The following UBXN7 variants were observed in gnomAD, a reference collection of about 807,000 sequenced individuals.
UBXN7 encodes UBX domain-containing protein 7.
In UBXN7, 9 loss-of-function variants were observed where a neutral mutation model predicts 58.0. That is an observed-to-expected ratio of 0.16 (90% CI 0.09 to 0.27). The LOEUF (loss-of-function observed/expected upper bound fraction) is 0.27, where lower values mean the gene tolerates loss of function less well. Among genes scored for constraint, UBXN7 ranks in the 10% least tolerant of loss-of-function variants. The pLI, the probability that UBXN7 is intolerant of heterozygous loss-of-function variation, is 1.00. For synonymous variants in UBXN7, 208 were observed against 205.0 expected, an observed-to-expected ratio of 1.01 and a Z score of -0.12; for missense variants, 328 against 599.6, an observed-to-expected ratio of 0.55 and a Z score of 4.73.
intron 5 of UBXN7, among the ~76,000 whole-genome samples, chr3:196,382,228 G>C (rs554160086): frequency 6.6e-6 from 1 of 152,244 alleles, no homozygotes; most frequent in African/African-American, 2.4e-5. Context: ...AAGTGTTAAG[G>C]GCAGCCAGAG....
Position 196,356,861 on chromosome 3 carries a change from G to A in UBXN7, c.1309-15C>T. 6.3e-7 allele frequency: 1 copy of A among 1,595,884 alleles called. No individual in the cohort carries two copies. Among genetic ancestry groups the A allele is most frequent in the Non-Finnish European group, 8.5e-7 (1 of 1,176,062 alleles). ...TTCACCAAAGCCTATAAAAACAAGA[G>A]AAAGACAAAGCCATTAGACGGAAAA... is the stretch of plus-strand genomic sequence containing the variant. On this transcript the variant is annotated splice_polypyrimidine_tract_variant and intron_variant, in intron 10 of 10. Transcript: ENST00000296328.
At chr3:196,404,541 C>A (rs1283260071) in intron 2 of UBXN7, among the ~76,000 whole-genome samples, 1 of 137,336 alleles carries the variant, frequency 7.3e-6, no homozygotes, top group East Asian at 1.9e-4. Context: ...GGATTACAGG[C>A]GTGAGCCACC....
chr3:196,405,093 T>C (rs1439849307), intron 2 of UBXN7, among the ~76,000 whole-genome samples: 1 of 151,522 alleles, frequency 6.6e-6, no homozygotes, highest in Non-Finnish European at 1.5e-5. Flanking sequence ...TTGCAGTGAG[T>C]TGAGAGCAGT....
intron 1 of UBXN7, among the ~76,000 whole-genome samples, chr3:196,421,421 TGA>T (rs933455148): frequency 6.6e-6 from 1 of 152,192 alleles, no homozygotes; most frequent in African/African-American, 2.4e-5. Flanking sequence ...TACAGCAATT[TGA>T]GAGAGTAATT....
chr3:196,430,705 C>T (rs1560249039), intron 1 of UBXN7, among the ~76,000 whole-genome samples: 1 of 152,094 alleles, frequency 6.6e-6, no homozygotes, highest in Admixed American at 6.6e-5. Context: ...GCATCATAAA[C>T]CATCTCTAGG....
intron 8 of UBXN7, among the ~76,000 whole-genome samples, chr3:196,364,910 A>T (rs1033891435): frequency 7.2e-5 from 11 of 152,104 alleles, no homozygotes; most frequent in Non-Finnish European, 1.6e-4. Flanking sequence ...ACCCCTAAAA[A>T]GCAAGTAGAG....
chr3:196,372,184 A>G (rs1207378650), intron 5 of UBXN7, 142 bp from the exon 6 acceptor site: 3 of 858,462 alleles, frequency 3.5e-6, no homozygotes, highest in African/African-American at 3.4e-5. Flanking sequence ...CAGCATTTAT[A>G]CATTCTATAT....
intron 1 of UBXN7, among the ~76,000 whole-genome samples, chr3:196,419,292 T>TAAA (rs1560243454): frequency 4.0e-5 from 6 of 148,862 alleles, no homozygotes; most frequent in Non-Finnish European, 8.9e-5. Flanking sequence ...TCTAAATAAA[T>TAAA]TAAATAAATA....
chr3:196,391,978 G>GAAAAAAAAAA (rs11335716), intron 4 of UBXN7, 53 bp from the exon 5 acceptor site: 6 of 188,590 alleles, frequency 3.2e-5, no homozygotes, highest in African/African-American at 7.0e-5. Flanking sequence ...GAATCACACT[G>GAAAAAAAAAA]AAAAAAAAAA....
At chr3:196,371,859 A>G in intron 6 of UBXN7, 37 bp downstream of exon 6, 2 of 1,595,072 alleles carry the variant, frequency 1.3e-6, no homozygotes, top group Non-Finnish European at 1.7e-6. Context: ...TACAAAAGTA[A>G]AATTCTACAA....
At chr3:196,429,887 T>C (rs1240509881) in intron 1 of UBXN7, among the ~76,000 whole-genome samples, 2 of 152,200 alleles carry the variant, frequency 1.3e-5, no homozygotes, top group Admixed American at 6.6e-5. Flanking sequence ...GCAATCAAGC[T>C]ACGTAGACGA....
intron 5 of UBXN7, among the ~76,000 whole-genome samples, chr3:196,373,819 A>C (rs1221786167): frequency 1.3e-5 from 2 of 152,138 alleles, no homozygotes; most frequent in Non-Finnish European, 2.9e-5. Flanking sequence ...TGGCCTCCAA[A>C]AGTCTTGGGA....
At chr3:196,387,736 C>T in intron 5 of UBXN7, among the ~76,000 whole-genome samples, 1 of 152,180 alleles carries the variant, frequency 6.6e-6, no homozygotes, top group African/African-American at 2.4e-5. Flanking sequence ...ATCAAAACCA[C>T]AATGAGATAC....
At position 196,355,111 on chromosome 3, in the gene UBXN7, G is replaced by C. The variant is rs964854818; in HGVS notation, c.*1574C>G. 51 of 152,092 alleles carry C rather than the reference G, an allele frequency of 3.4e-4. No homozygotes were observed. Among genetic ancestry groups the C allele is most frequent in the Admixed American group, 2.7e-3 (41 of 15,274 alleles). 9.4% of individuals were successfully genotyped at this position (152,092 alleles called of 1,614,324 possible). A position where few individuals can be genotyped will look rare whatever the true frequency, so the allele number is the denominator to read the frequency against. On this transcript the variant is annotated 3_prime_UTR_variant, in exon 11 of 11. Transcript: ENST00000296328. ...CCCAAATCCCCTAATTGCCAAGAGA[G>C]CAATCTTAAAGTAGATGAAAACCTA... is the stretch of plus-strand genomic sequence containing the variant.
At chr3:196,417,201 T>C (rs1730521267) in intron 1 of UBXN7, among the ~76,000 whole-genome samples, 1 of 151,994 alleles carries the variant, frequency 6.6e-6, no homozygotes, top group South Asian at 2.1e-4. Context: ...TAGTCCCAGC[T>C]GCTGGGGAGG....
chr3:196,387,957 GAT>G (rs1403058307), intron 5 of UBXN7, among the ~76,000 whole-genome samples: 1 of 151,990 alleles, frequency 6.6e-6, no homozygotes, highest in African/African-American at 2.4e-5. Context: ...ATACCCAAAG[GAT>G]TATAAATCAT....
At chr3:196,371,541 G>A (rs1240598370) in intron 6 of UBXN7, among the ~76,000 whole-genome samples, 4 of 152,140 alleles carry the variant, frequency 2.6e-5, no homozygotes, top group African/African-American at 9.7e-5. Context: ...GAGTGTAATG[G>A]TGTGATCTTG....
chr3:196,394,743 G>GT (rs1447948965), intron 3 of UBXN7, among the ~76,000 whole-genome samples: 1 of 152,162 alleles, frequency 6.6e-6, no homozygotes, highest in Non-Finnish European at 1.5e-5. Context: ...GTTGTATAGA[G>GT]TAACTCTACA....
At chr3:196,424,014 C>G (rs1177196552) in intron 1 of UBXN7, among the ~76,000 whole-genome samples, 3 of 151,500 alleles carry the variant, frequency 2.0e-5, no homozygotes, top group Non-Finnish European at 4.4e-5. Flanking sequence ...CTCAGCCTCC[C>G]GAGTAGCTGG....
Sources: allele counts gnomAD v4.1 joint callset (sites outside exome capture counted in the v4.1 genomes callset), GRCh38; gene constraint gnomAD v4.1.1; transcripts MANE v1.5; gene names NCBI Gene and HGNC (gene_info 2026-07-23, HGNC 2026-07-21).